The following FGF14 variants were observed in gnomAD, a reference collection of about 807,000 sequenced individuals.
FGF14 encodes fibroblast growth factor homologous factor 4.
Under a neutral mutation model 25.5 loss-of-function variants are expected in FGF14, and 5 were observed. The ratio of observed to expected loss-of-function variants is 0.20; its 90% CI spans 0.10 to 0.41. The LOEUF (loss-of-function observed/expected upper bound fraction) is 0.41. FGF14 is among the 10% of genes least tolerant of loss of function. The probability of loss-of-function intolerance (pLI) is 1.00; values close to 1 mark genes in which losing one functional copy is unlikely to be tolerated. For missense variants in FGF14, 222 were observed against 320.1 expected, an observed-to-expected ratio of 0.69 and a Z score of 2.34; for synonymous variants, 138 against 118.3, an observed-to-expected ratio of 1.17 and a Z score of -1.08.
intron 1 of FGF14, among the ~76,000 whole-genome samples, chr13:102,205,487 A>T (rs556954975): frequency 6.6e-6 from 1 of 152,276 alleles, no homozygotes; most frequent in African/African-American, 2.4e-5. Flanking sequence ...GACATTACAC[A>T]TGTCATAGAT....
intron 3 of FGF14, among the ~76,000 whole-genome samples, chr13:101,789,291 A>T (rs776341634): frequency 5.3e-5 from 8 of 151,778 alleles, no homozygotes; most frequent in Non-Finnish European, 1.2e-4. Context: ...CAGGCTTGTG[A>T]TTCTGGAACC....
intron 1 of FGF14, among the ~76,000 whole-genome samples, chr13:102,102,698 T>C (rs1245711578): frequency 6.6e-6 from 1 of 152,226 alleles, no homozygotes; most frequent in African/African-American, 2.4e-5. Context: ...TGAATATGTA[T>C]TCATAAACTT....
At chr13:101,785,643 C>T (rs532370335) in intron 3 of FGF14, among the ~76,000 whole-genome samples, 9 of 152,154 alleles carry the variant, frequency 5.9e-5, no homozygotes, top group Admixed American at 5.2e-4. Flanking sequence ...CAATATCTAT[C>T]TTTAAAGTAG....
intron 1 of FGF14, among the ~76,000 whole-genome samples, chr13:102,053,481 A>G (rs1305431685): frequency 2.0e-5 from 3 of 152,146 alleles, no homozygotes; most frequent in Non-Finnish European, 4.4e-5. Context: ...CAACCGATCA[A>G]TTAAAGAACA....
At chr13:102,029,070 G>A (rs577879216) in intron 1 of FGF14, among the ~76,000 whole-genome samples, 1 of 152,110 alleles carries the variant, frequency 6.6e-6, no homozygotes, top group Non-Finnish European at 1.5e-5. Context: ...AATGGTGACA[G>A]GATTGTCACA....
intron 1 of FGF14, among the ~76,000 whole-genome samples, chr13:102,296,657 T>A (rs1045160508): frequency 6.6e-6 from 1 of 152,158 alleles, no homozygotes; most frequent in African/African-American, 2.4e-5. Flanking sequence ...CAATTGTGCA[T>A]CCATAGTTCT....
intron 1 of FGF14, among the ~76,000 whole-genome samples, chr13:101,994,200 T>C (rs1421123308): frequency 1.3e-5 from 2 of 152,028 alleles, no homozygotes; most frequent in African/African-American, 4.8e-5. Context: ...TTTCCAATGA[T>C]TGTTGGTTCT....
intron 1 of FGF14, among the ~76,000 whole-genome samples, chr13:102,073,107 C>T (rs952204005): frequency 6.6e-6 from 1 of 152,050 alleles, no homozygotes; most frequent in Non-Finnish European, 1.5e-5. Context: ...CAAAAATTAG[C>T]CGGGTGTGGT....
At chr13:102,214,254 A>G (rs1385365018) in intron 1 of FGF14, among the ~76,000 whole-genome samples, 2 of 152,208 alleles carry the variant, frequency 1.3e-5, no homozygotes, top group Non-Finnish European at 2.9e-5. Context: ...TTCCTTTGCC[A>G]TTAATTACTT....
chr13:102,323,965 G>GTA (rs1566937067), intron 1 of FGF14, among the ~76,000 whole-genome samples: 1 of 115,848 alleles, frequency 8.6e-6, no homozygotes, highest in Non-Finnish European at 1.8e-5. Flanking sequence ...GTATGTGTGT[G>GTA]TGTGTGTGTG....
At chr13:102,082,260 C>T (rs1178390745) in intron 1 of FGF14, among the ~76,000 whole-genome samples, 1 of 149,014 alleles carries the variant, frequency 6.7e-6, no homozygotes, top group Admixed American at 6.7e-5. Context: ...AAACAGTGTA[C>T]TTCAGTTGGC....
intron 1 of FGF14, among the ~76,000 whole-genome samples, chr13:102,175,494 C>G (rs1366515269): frequency 6.6e-6 from 1 of 151,906 alleles, no homozygotes; most frequent in Non-Finnish European, 1.5e-5. Context: ...TGGAATGAAA[C>G]CTAGGAAAAA....
intron 3 of FGF14, among the ~76,000 whole-genome samples, chr13:101,816,043 G>A (rs1044743657): frequency 6.6e-6 from 1 of 151,790 alleles, no homozygotes; most frequent in Middle Eastern, 3.2e-3. Flanking sequence ...GGCCGAGACG[G>A]GCGGATCACG....
chr13:102,036,535 A>G (rs1440416498), intron 1 of FGF14, among the ~76,000 whole-genome samples: 1 of 152,116 alleles, frequency 6.6e-6, no homozygotes, highest in East Asian at 1.9e-4. Flanking sequence ...CAATTTTCCA[A>G]ACAACATCAT....
At chr13:101,778,906 C>T (rs1443525381) in intron 3 of FGF14, 1 of 152,084 alleles carries the variant, frequency 6.6e-6, no homozygotes. Flanking sequence ...TAACACAGCC[C>T]CCACTACCAC....
intron 1 of FGF14, among the ~76,000 whole-genome samples, chr13:101,935,623 A>T (rs1458882177): frequency 6.6e-6 from 1 of 152,092 alleles, no homozygotes; most frequent in Non-Finnish European, 1.5e-5. Flanking sequence ...TTCCACTATG[A>T]TTGTAAGCTT....
At chr13:101,798,013 G>A (rs1013611591) in intron 3 of FGF14, among the ~76,000 whole-genome samples, 4 of 152,058 alleles carry the variant, frequency 2.6e-5, no homozygotes, top group African/African-American at 9.7e-5. Context: ...ACTTGCTAAC[G>A]TTACTCGCTG....
chr13:101,832,341 T>C (rs749709546), intron 3 of FGF14, among the ~76,000 whole-genome samples: 2 of 152,234 alleles, frequency 1.3e-5, no homozygotes, highest in African/African-American at 2.4e-5. Context: ...GAAGCATCAA[T>C]GTGTGAGCAT....
At chr13:102,382,585 T>C (rs1381707974) in intron 1 of FGF14, among the ~76,000 whole-genome samples, 1 of 152,140 alleles carries the variant, frequency 6.6e-6, no homozygotes, top group African/African-American at 2.4e-5. Context: ...ATGTTAAACA[T>C]AGATTATCAT....
Sources: gnomAD v4.1 joint callset for allele counts (sites outside exome capture counted in the v4.1 genomes callset) on GRCh38, gnomAD v4.1.1 for gene constraint, MANE v1.5 for transcripts, NCBI Gene and HGNC (gene_info 2026-07-23, HGNC 2026-07-21) for gene names.